MSRA: variants seen among roughly 807,000 people sequenced by gnomAD.
The protein encoded by MSRA is mitochondrial peptide methionine sulfoxide reductase.
A neutral mutation model predicts 31.3 loss-of-function variants in MSRA; 54 were observed. The ratio of observed to expected loss-of-function variants is 1.73; its 90% CI spans 1.39 to 2.17. MSRA has a LOEUF of 2.17. MSRA is among the 30% of genes most tolerant of loss of function. The pLI is 0.00. For synonymous variants in MSRA, 169 were observed against 116.5 expected (o/e 1.45, Z -2.90); for missense variants, 507 against 300.9 (o/e 1.69, Z -5.07).
intron 5 of MSRA, among the ~76,000 whole-genome samples, chr8:10,369,023 G>T (rs1805326817): frequency 6.6e-6 from 1 of 152,134 alleles, no homozygotes; most frequent in African/African-American, 2.4e-5. Context: ...TAGGCCTGAA[G>T]TCCAAAAGCT....
chr8:10,349,957 G>T (rs1255277969), intron 5 of MSRA, among the ~76,000 whole-genome samples: 1 of 152,238 alleles, frequency 6.6e-6, no homozygotes. Context: ...CCTCGCTGAA[G>T]GTTACAGTTT....
chr8:10,208,870 T>G (rs147851076), intron 2 of MSRA, among the ~76,000 whole-genome samples: 1 of 152,256 alleles, frequency 6.6e-6, no homozygotes, highest in Non-Finnish European at 1.5e-5. Flanking sequence ...AAAACTGCTT[T>G]GAAGACTTGA....
At chr8:10,253,708 C>A (rs756232654) in intron 3 of MSRA, among the ~76,000 whole-genome samples, 10 of 151,710 alleles carry the variant, frequency 6.6e-5, no homozygotes, top group Admixed American at 1.3e-4. Context: ...CAAATCACAT[C>A]TAATGGAGCC....
At chr8:10,134,164 T>C (rs1021458862) in intron 1 of MSRA, among the ~76,000 whole-genome samples, 10 of 152,164 alleles carry the variant, frequency 6.6e-5, no homozygotes, top group Non-Finnish European at 1.3e-4. Flanking sequence ...TCTGTGGTGA[T>C]AAATTATGAA....
At chr8:10,172,654 T>C (rs151317266) in intron 1 of MSRA, among the ~76,000 whole-genome samples, 109 of 152,230 alleles carry the variant, frequency 7.2e-4, no homozygotes, top group Admixed American at 1.3e-3. Flanking sequence ...TAAATACCAA[T>C]TGGAAGTTGG....
chr8:10,374,206 G>A (rs574509996), intron 5 of MSRA, among the ~76,000 whole-genome samples: 1 of 152,320 alleles, frequency 6.6e-6, no homozygotes, highest in South Asian at 2.1e-4. Context: ...TGGAGTTTAT[G>A]AGAAGCAAGT....
At chr8:10,370,639 A>G (rs1336838055) in intron 5 of MSRA, among the ~76,000 whole-genome samples, 1 of 152,130 alleles carries the variant, frequency 6.6e-6, no homozygotes, top group African/African-American at 2.4e-5. Flanking sequence ...GAATTGTAAA[A>G]CACCTCTCCC....
At chr8:10,267,900 C>G (rs1015033542) in intron 3 of MSRA, among the ~76,000 whole-genome samples, 3 of 152,130 alleles carry the variant, frequency 2.0e-5, no homozygotes, top group African/African-American at 7.2e-5. Flanking sequence ...ACCATGAAAA[C>G]TGGCTTTACC....
In MSRA at chr8:10,422,134, T is replaced by C. The variant is rs74500056; in HGVS notation, c.544-6014T>C. 3.2e-4 allele frequency among the ~76,000 whole-genome samples: 49 copies of C among 152,248 alleles called. No homozygotes were observed. The East Asian group carries it at 9.3e-3, about 29-fold the overall frequency. ...ACTGTCTCTATAAAAAAATTAAAAT[T>C]AGCCAGGTATGGTGGTGTACGCACT... On this transcript the variant is annotated intron_variant, in intron 5 of 5. Coordinates refer to ENST00000317173, the MANE Select transcript of MSRA (RefSeq NM_012331.5).
chr8:10,182,777 G>A (rs1806659043), intron 1 of MSRA, among the ~76,000 whole-genome samples: 1 of 152,110 alleles, frequency 6.6e-6, no homozygotes, highest in Non-Finnish European at 1.5e-5. Flanking sequence ...TTCCAACATG[G>A]CAGCCTGCTT....
rs543420316 is a variant in MSRA at position 10,261,050 on chromosome 8, T to C, written c.331+15827T>C. Among the ~76,000 whole-genome samples, 20 of 152,310 alleles carry C rather than the reference T, an allele frequency of 1.3e-4. No individual in the cohort carries two copies. The South Asian group carries it at 3.5e-3, about 27-fold the overall frequency. On this transcript the variant is annotated intron_variant, in intron 3 of 5. Transcript: ENST00000317173. The stretch of plus-strand genomic sequence containing the variant: ...AAGTATAAAATACAAGATGGAGTTG[T>C]CATTTAAAAACCAAATAGTACTAAA...
intron 1 of MSRA, among the ~76,000 whole-genome samples, chr8:10,207,503 T>G (rs1415965082): frequency 6.6e-6 from 1 of 152,164 alleles, no homozygotes; most frequent in African/African-American, 2.4e-5. Context: ...CTTTGCTTGT[T>G]TTTTAGAGAT....
intron 5 of MSRA, among the ~76,000 whole-genome samples, chr8:10,347,061 T>G (rs762281735): frequency 1.3e-5 from 2 of 152,286 alleles, no homozygotes; most frequent in Admixed American, 6.5e-5. Flanking sequence ...TCCAATGTGT[T>G]TTCACAGCAC....
At chr8:10,193,772 A>G (rs1438959530) in intron 1 of MSRA, among the ~76,000 whole-genome samples, 12 of 152,298 alleles carry the variant, frequency 7.9e-5, no homozygotes, top group Admixed American at 6.5e-4. Context: ...ACTTCCCTTA[A>G]TTAGCCATGG....
intron 1 of MSRA, among the ~76,000 whole-genome samples, chr8:10,121,416 T>C (rs1331459971): frequency 2.0e-5 from 3 of 152,170 alleles, no homozygotes; most frequent in Non-Finnish European, 4.4e-5. Flanking sequence ...TGCGACTTTC[T>C]TTTGCAGTGC....
intron 5 of MSRA, among the ~76,000 whole-genome samples, chr8:10,328,052 T>TTA (rs1554528128): frequency 8.1e-6 from 1 of 122,780 alleles, no homozygotes; most frequent in Non-Finnish European, 1.7e-5. Context: ...TTTTTTTTTT[T>TTA]AGTATCAGTG....
chr8:10,099,881 C>T (rs1202327551), intron 1 of MSRA, among the ~76,000 whole-genome samples: 1 of 152,198 alleles, frequency 6.6e-6, no homozygotes. Context: ...TTTCCCAAAG[C>T]ATCCCATATT....
intron 3 of MSRA, among the ~76,000 whole-genome samples, chr8:10,275,982 G>C (rs1490719001): frequency 1.3e-5 from 2 of 152,196 alleles, no homozygotes; most frequent in Admixed American, 1.3e-4. Context: ...CCTGTCCTCT[G>C]GTACTGGGGG....
intron 1 of MSRA, among the ~76,000 whole-genome samples, chr8:10,154,898 A>C (rs1804015862): frequency 6.6e-6 from 1 of 151,360 alleles, no homozygotes; most frequent in Non-Finnish European, 1.5e-5. Context: ...AATGTTCTTT[A>C]ATATTGATTT....
Sources: allele counts gnomAD v4.1 joint callset (sites outside exome capture counted in the v4.1 genomes callset), GRCh38; gene constraint gnomAD v4.1.1; transcripts MANE v1.5; gene names NCBI Gene and HGNC (gene_info 2026-07-23, HGNC 2026-07-21).